LRRTM4: variants seen among roughly 807,000 people sequenced by gnomAD.
LRRTM4 encodes the protein leucine rich repeat transmembrane neuronal 4.
LRRTM4 carries 25 observed loss-of-function variants against 47.6 expected under a neutral mutation model. The ratio of observed to expected loss-of-function variants is 0.53; its 90% CI spans 0.38 to 0.73. The LOEUF is 0.73. Among genes scored for constraint, LRRTM4 ranks in the 30% least tolerant of loss-of-function variants. The probability of loss-of-function intolerance (pLI) is 0.00; values close to 1 mark genes in which losing one functional copy is unlikely to be tolerated. For missense variants in LRRTM4, 638 were observed against 713.4 expected (o/e 0.89, Z 1.20); for synonymous variants, 311 against 269.5 (o/e 1.15, Z -1.51).
chr2:77,051,196 G>GAA (rs1328303805), intron 3 of LRRTM4, among the ~76,000 whole-genome samples: 1 of 151,792 alleles, frequency 6.6e-6, no homozygotes, highest in Non-Finnish European at 1.5e-5. Context: ...ACATCCTACA[G>GAA]TGCACAGAAA....
chr2:77,010,511 C>CAA (rs1319559441), intron 3 of LRRTM4, among the ~76,000 whole-genome samples: 3 of 78,110 alleles, frequency 3.8e-5, no homozygotes, highest in African/African-American at 1.3e-4. Context: ...TACACACACA[C>CAA]ACACACACAC....
chr2:77,264,466 G>A (rs1305593490), intron 3 of LRRTM4, among the ~76,000 whole-genome samples: 1 of 152,014 alleles, frequency 6.6e-6, no homozygotes, highest in Non-Finnish European at 1.5e-5. Flanking sequence ...GAGATCCTAT[G>A]TCTAACTACA....
chr2:76,993,876 T>G (rs543898043), intron 3 of LRRTM4, among the ~76,000 whole-genome samples: 1 of 151,964 alleles, frequency 6.6e-6, no homozygotes, highest in Non-Finnish European at 1.5e-5. Context: ...ATTCATGGAT[T>G]TGATAAAGAA....
At chr2:77,410,747 G>C (rs1674387022) in intron 3 of LRRTM4, among the ~76,000 whole-genome samples, 1 of 152,086 alleles carries the variant, frequency 6.6e-6, no homozygotes, top group Admixed American at 6.5e-5. Flanking sequence ...TCTGGTGAAG[G>C]GAGGGTTATT....
intron 3 of LRRTM4, among the ~76,000 whole-genome samples, chr2:77,131,120 C>T (rs1158090385): frequency 6.6e-6 from 1 of 152,122 alleles, no homozygotes; most frequent in African/African-American, 2.4e-5. Context: ...AGGCGTCAGC[C>T]ACCGCGCCCG....
chr2:77,252,703 G>A lies in LRRTM4; in HGVS notation c.1551+265615C>T, dbSNP rs555976407. 2.0e-4 allele frequency among the ~76,000 whole-genome samples: 30 copies of A among 152,220 alleles called. No homozygotes were observed. The South Asian group carries it at 3.7e-3, about 19-fold the overall frequency. On this transcript the variant is annotated intron_variant, in intron 3 of 3. Coordinates refer to ENST00000409884, the MANE Select transcript of LRRTM4 (RefSeq NM_001134745.3). ...AGCATCACTGTCTCTAAAAGAAGAC[G>A]GACAACTATGGGGAGGGAAAAGAGT...
Position 76,968,340 on chromosome 2 carries a change from G to GTATATA in LRRTM4, c.1552-219430_1552-219425dup, listed in dbSNP as rs61103340. Among the ~76,000 whole-genome samples the GTATATA allele has an allele frequency of 7.9e-3, 608 of 76,502 alleles. 2 individuals carry two copies. Among genetic ancestry groups the GTATATA allele is most frequent in the Non-Finnish European group, 0.012 (438 of 37,752 alleles). The allele number at this position is 76,502 out of a possible 152,430, so 50.2% of individuals were successfully genotyped here. On this transcript the variant is annotated intron_variant, in intron 3 of 3. Transcript: ENST00000409884. ...TGTAAATACAAAAGTGTGTATGTGT[G>GTATATA]TATATATATATATATATATATATAT... is the stretch of plus-strand genomic sequence containing the variant.
intron 3 of LRRTM4, among the ~76,000 whole-genome samples, chr2:76,847,712 A>G (rs368664408): frequency 1.4e-4 from 18 of 133,330 alleles, no homozygotes; most frequent in African/African-American, 6.0e-4. Flanking sequence ...TTCCATAGAC[A>G]CTCACTTTTA....
chr2:76,813,424 C>A (rs1670804168), intron 3 of LRRTM4, among the ~76,000 whole-genome samples: 2 of 152,046 alleles, frequency 1.3e-5, no homozygotes, highest in Non-Finnish European at 2.9e-5. Context: ...AATATAAAAG[C>A]CCAAGTCTGA....
chr2:77,089,170 C>A (rs1680836990), intron 3 of LRRTM4, among the ~76,000 whole-genome samples: 1 of 151,986 alleles, frequency 6.6e-6, no homozygotes. Flanking sequence ...TACCCCAACC[C>A]CTTCTCTCCT....
Position 77,231,808 on chromosome 2 carries a change from T to G in LRRTM4, c.1551+286510A>C, listed in dbSNP as rs1573113439. Reference sequence around the variant, plus strand: ...TCATATATGAAAGTATTCAGTATTATGTAAACACATGACTCTAACGTTAGG... The same window carrying G: ...TCATATATGAAAGTATTCAGTATTAGGTAAACACATGACTCTAACGTTAGG... On this transcript the variant is annotated intron_variant, in intron 3 of 3. Transcript: ENST00000409884. 2.0e-5 allele frequency among the ~76,000 whole-genome samples: 3 copies of G among 152,300 alleles called. No individual in the cohort carries two copies. The South Asian group carries it at 6.2e-4, about 32-fold the overall frequency.
chr2:77,501,592 A>G (rs140887163), intron 3 of LRRTM4, among the ~76,000 whole-genome samples: 2,482 of 151,020 alleles, frequency 0.016, 72 homozygotes, highest in African/African-American at 0.056. Flanking sequence ...TCTTTGTACC[A>G]TACAATAAAG....
chr2:76,913,076 G>A (rs1048343776), intron 3 of LRRTM4, among the ~76,000 whole-genome samples: 1 of 152,062 alleles, frequency 6.6e-6, no homozygotes, highest in Non-Finnish European at 1.5e-5. Context: ...TTTAATCTTT[G>A]CAAATGAAAA....
intron 3 of LRRTM4, among the ~76,000 whole-genome samples, chr2:77,390,486 A>C (rs548605137): frequency 2.6e-5 from 4 of 152,064 alleles, no homozygotes; most frequent in Non-Finnish European, 5.9e-5. Context: ...AAACATCTTG[A>C]ATTATAAAAT....
Position 77,519,941 on chromosome 2 carries a change from G to C in LRRTM4, c.5-77C>G, listed in dbSNP as rs1206003564. 11 of 1,463,280 alleles carry C rather than the reference G, an allele frequency of 7.5e-6. No homozygotes were observed. The highest frequency in any genetic ancestry group is 6.3e-6 in the Non-Finnish European group (7 of 1,109,148). The allele number at this position is 1,463,280 out of a possible 1,614,324, so 90.6% of individuals were successfully genotyped here. A position where few individuals can be genotyped will look rare whatever the true frequency, so the allele number is the denominator to read the frequency against. Reference sequence around the variant, plus strand: ...TCACCGTCGGTTTACCAACAACAGGGGCATTTCCTCTAGTGTAGGAATGGG... The same window carrying C: ...TCACCGTCGGTTTACCAACAACAGGCGCATTTCCTCTAGTGTAGGAATGGG... On this transcript the variant is annotated intron_variant, in intron 2 of 3. Coordinates refer to ENST00000409884, the MANE Select transcript of LRRTM4 (RefSeq NM_001134745.3). This position sits in a 1 kb window ranked among gnomAD's most constrained non-coding sequence, Gnocchi z 4.6.
chr2:77,348,662 A>C (rs1310064508), intron 3 of LRRTM4, among the ~76,000 whole-genome samples: 1 of 150,614 alleles, frequency 6.6e-6, no homozygotes, highest in Non-Finnish European at 1.5e-5. Context: ...CATTTTGCTT[A>C]TATATAATCT....
chr2:76,983,066 T>C (rs1676669388), intron 3 of LRRTM4, among the ~76,000 whole-genome samples: 2 of 152,192 alleles, frequency 1.3e-5, no homozygotes, highest in East Asian at 3.9e-4. Flanking sequence ...TATTGTGTCC[T>C]TTACATTCAA....
At chr2:76,807,411 T>TATACACACAC (rs1484732120) in intron 3 of LRRTM4, among the ~76,000 whole-genome samples, 1 of 86,044 alleles carries the variant, frequency 1.2e-5, no homozygotes, top group East Asian at 4.2e-4. Context: ...TATATACGTA[T>TATACACACAC]ATATATATAT....
intron 3 of LRRTM4, among the ~76,000 whole-genome samples, chr2:77,044,395 G>A (rs1679158481): frequency 6.6e-6 from 1 of 151,600 alleles, no homozygotes; most frequent in Non-Finnish European, 1.5e-5. Context: ...TACCTTCTAT[G>A]GAAGCTCAAA....
Sources: allele counts gnomAD v4.1 joint callset (sites outside exome capture counted in the v4.1 genomes callset), GRCh38; gene constraint gnomAD v4.1.1; non-coding constraint Gnocchi (gnomAD v3.1); transcripts MANE v1.5; gene names NCBI Gene and HGNC (gene_info 2026-07-23, HGNC 2026-07-21).